The following NUDT3 variants were observed in gnomAD, a reference collection of about 807,000 sequenced individuals.
NUDT3 encodes the protein nudix hydrolase 3.
A neutral mutation model predicts 23.6 loss-of-function variants in NUDT3; 9 were observed. The observed-to-expected ratio is 0.38, with a 90% CI of 0.23 to 0.66. NUDT3 has a LOEUF of 0.66. Among genes scored for constraint, NUDT3 ranks in the 30% least tolerant of loss-of-function variants. The pLI is 0.52. For missense variants in NUDT3, 172 were observed against 218.5 expected, an observed-to-expected ratio of 0.79 and a Z score of 1.34; for synonymous variants, 86 against 82.6, an observed-to-expected ratio of 1.04 and a Z score of -0.22.
At chr6:34,298,353 T>G (rs1247400664) in intron 2 of NUDT3, among the ~76,000 whole-genome samples, 2 of 152,138 alleles carry the variant, frequency 1.3e-5, no homozygotes, top group African/African-American at 4.8e-5. Flanking sequence ...CAGAGACATC[T>G]TGTCTCAAAA....
chr6:34,285,126 G>C lies in NUDT3; in HGVS notation c.*3627C>G, dbSNP rs1763319033. On this transcript the variant is annotated 3_prime_UTR_variant, in exon 5 of 5. Coordinates refer to ENST00000607016, the MANE Select transcript of NUDT3 (RefSeq NM_006703.4). ...TGGCTCAGCCTAGATCTAGCAGTGA[G>C]AGAGCCCTCTCCATGCAGGGCAGAT... The C allele has an allele frequency of 6.6e-6, 1 of 152,228 alleles. No homozygotes were observed. The highest frequency in any genetic ancestry group is 2.4e-5 in the African/African-American group (1 of 41,460). 9.4% of individuals were successfully genotyped at this position (152,228 alleles called of 1,614,324 possible). A position where few individuals can be genotyped will look rare whatever the true frequency, so the allele number is the denominator to read the frequency against.
chr6:34,314,275 G>A (rs1273389601), intron 2 of NUDT3, among the ~76,000 whole-genome samples: 2 of 150,422 alleles, frequency 1.3e-5, no homozygotes, highest in African/African-American at 2.4e-5. Flanking sequence ...ATATAAGGCC[G>A]GGCGCAGTGG....
intron 1 of NUDT3, among the ~76,000 whole-genome samples, chr6:34,348,656 G>C (rs1382688106): frequency 6.6e-6 from 1 of 151,986 alleles, no homozygotes; most frequent in Non-Finnish European, 1.5e-5. Context: ...GGCGCCTGTA[G>C]TCCCAGCTAC....
intron 2 of NUDT3, among the ~76,000 whole-genome samples, chr6:34,334,515 T>C (rs1764176711): frequency 6.6e-6 from 1 of 151,984 alleles, no homozygotes; most frequent in African/African-American, 2.4e-5. Context: ...AGTGCACACC[T>C]ATAATCCCAG....
chr6:34,389,855 T>C (rs1394570313), intron 1 of NUDT3, among the ~76,000 whole-genome samples: 6 of 151,632 alleles, frequency 4.0e-5, no homozygotes, highest in African/African-American at 1.5e-4. Context: ...TCCCAGCTGC[T>C]CGGGAGGCTA....
chr6:34,334,951 GAA>G (rs1191908925), intron 2 of NUDT3, among the ~76,000 whole-genome samples: 1 of 150,818 alleles, frequency 6.6e-6, no homozygotes, highest in Non-Finnish European at 1.5e-5. Flanking sequence ...AGGAAAAGAG[GAA>G]AGAGAGAGAA....
At chr6:34,389,300 C>T (rs957167010) in intron 1 of NUDT3, among the ~76,000 whole-genome samples, 4 of 152,216 alleles carry the variant, frequency 2.6e-5, no homozygotes, top group African/African-American at 9.7e-5. Flanking sequence ...GTTCCTCCTT[C>T]CCTTCTCTCT....
chr6:34,318,664 G>A (rs1763895966), intron 2 of NUDT3, among the ~76,000 whole-genome samples: 2 of 152,016 alleles, frequency 1.3e-5, no homozygotes, highest in Admixed American at 6.6e-5. Flanking sequence ...CATTTAGACT[G>A]TTTCTAATTT....
At chr6:34,357,626 CAAA>C (rs34996824) in intron 1 of NUDT3, among the ~76,000 whole-genome samples, 2 of 122,720 alleles carry the variant, frequency 1.6e-5, no homozygotes. Flanking sequence ...CTGCACCCTG[CAAA>C]AAAAAAAAAA....
intron 4 of NUDT3, among the ~76,000 whole-genome samples, chr6:34,291,398 T>C (rs1308779852): frequency 6.6e-6 from 1 of 152,180 alleles, no homozygotes; most frequent in African/African-American, 2.4e-5. Context: ...TGATTTATAC[T>C]GCAAAAGTGC....
chr6:34,387,191 G>A (rs1014836981), intron 1 of NUDT3, among the ~76,000 whole-genome samples: 2 of 151,914 alleles, frequency 1.3e-5, no homozygotes, highest in Admixed American at 1.3e-4. Context: ...ACTGGTTTCT[G>A]TATTTACTAT....
chr6:34,315,198 C>T (rs1763840145), intron 2 of NUDT3, among the ~76,000 whole-genome samples: 2 of 152,190 alleles, frequency 1.3e-5, no homozygotes, highest in Admixed American at 1.3e-4. Context: ...TTAAGAAAAA[C>T]TGGTTTTGAA....
At chr6:34,380,098 T>A (rs1468958863) in intron 1 of NUDT3, among the ~76,000 whole-genome samples, 10 of 152,168 alleles carry the variant, frequency 6.6e-5, no homozygotes, top group Non-Finnish European at 1.0e-4. Context: ...TTATTTATTT[T>A]TTGAGACAAA....
chr6:34,357,325 G>GC (rs1010132157), intron 1 of NUDT3, among the ~76,000 whole-genome samples: 28 of 150,802 alleles, frequency 1.9e-4, no homozygotes, highest in Non-Finnish European at 3.4e-4. Flanking sequence ...ATAATAAAAG[G>GC]TTTTTTTTTA....
intron 2 of NUDT3, among the ~76,000 whole-genome samples, chr6:34,322,549 T>C (rs550829035): frequency 4.6e-5 from 7 of 152,152 alleles, no homozygotes; most frequent in African/African-American, 1.7e-4. Context: ...TATAAAACAG[T>C]CAGTATCTTT....
intron 1 of NUDT3, among the ~76,000 whole-genome samples, chr6:34,383,163 A>T (rs1003497629): frequency 6.6e-6 from 1 of 151,908 alleles, no homozygotes; most frequent in East Asian, 1.9e-4. Context: ...AAAAATCACA[A>T]TCCTTCCTCC....
intron 2 of NUDT3, among the ~76,000 whole-genome samples, chr6:34,311,212 T>G (rs1435266376): frequency 6.6e-6 from 1 of 152,212 alleles, no homozygotes; most frequent in African/African-American, 2.4e-5. Flanking sequence ...ATTGTGAAAT[T>G]AAAACAATTA....
chr6:34,292,506 T>A (rs1581846629), intron 4 of NUDT3, among the ~76,000 whole-genome samples: 1 of 152,068 alleles, frequency 6.6e-6, no homozygotes, highest in Non-Finnish European at 1.5e-5. Context: ...TCAAAGAAAA[T>A]GGCTCCTTTG....
intron 1 of NUDT3, among the ~76,000 whole-genome samples, chr6:34,390,480 T>G (rs960648166): frequency 6.6e-6 from 1 of 152,130 alleles, no homozygotes; most frequent in East Asian, 1.9e-4. Flanking sequence ...GCTTATGATC[T>G]ATAGTTTTCA....
Sources: gnomAD v4.1 joint callset for allele counts (sites outside exome capture counted in the v4.1 genomes callset) on GRCh38, gnomAD v4.1.1 for gene constraint, MANE v1.5 for transcripts, NCBI Gene and HGNC (gene_info 2026-07-23, HGNC 2026-07-21) for gene names.